Variants in SPINK14 observed in about 807,000 individuals in gnomAD.
The protein encoded by SPINK14 is serine protease inhibitor Kazal-type 14.
SPINK14 carries 6 observed loss-of-function variants against 14.2 expected under a neutral mutation model. The observed-to-expected ratio is 0.42, with a 90% CI of 0.23 to 0.83. SPINK14 has a LOEUF of 0.83. Ranked by LOEUF, SPINK14 falls within the 40% of genes least tolerant of loss-of-function variation. SPINK14 has a pLI of 0.28. For synonymous variants in SPINK14, 34 were observed against 36.8 expected, an observed-to-expected ratio of 0.92 and a Z score of 0.27; for missense variants, 86 against 108.3, an observed-to-expected ratio of 0.79 and a Z score of 0.91.
chr5:148,172,659 T>C (rs1755122933), intron 3 of SPINK14, among the ~76,000 whole-genome samples: 1 of 152,128 alleles, frequency 6.6e-6, no homozygotes, highest in Admixed American at 6.6e-5. Context: ...TGTTACAAAC[T>C]GATTAAAAGT....
chr5:148,171,040 T>C lies in SPINK14; in HGVS notation c.111+67T>C. On this transcript the variant is annotated intron_variant, in intron 3 of 4. Coordinates refer to ENST00000356972, the MANE Select transcript of SPINK14 (RefSeq NM_001001325.2). ...TATGAGTTCTTTTTTTTTGGAATTG[T>C]TACTGTGGAAACTTAATGCCTCAAG... The C allele has an allele frequency of 2.0e-6, 3 of 1,486,460 alleles. No homozygotes were observed. In the South Asian group the frequency reaches 3.4e-5, roughly 17 times the overall value. The allele number at this position is 1,486,460 out of a possible 1,614,324, so 92.1% of individuals were successfully genotyped here.
intron 3 of SPINK14, among the ~76,000 whole-genome samples, chr5:148,173,661 A>G (rs1479476897): frequency 1.1e-5 from 1 of 95,130 alleles, no homozygotes; most frequent in Non-Finnish European, 2.2e-5. Context: ...TAAATAATCT[A>G]TTTATCTACT....
chr5:148,173,169 C>T (rs1289853419), intron 3 of SPINK14, among the ~76,000 whole-genome samples: 1 of 148,400 alleles, frequency 6.7e-6, no homozygotes, highest in African/African-American at 2.4e-5. Flanking sequence ...AAAACATGAC[C>T]CCCTTCTTTC....
chr5:148,174,488 C>A, intron 4 of SPINK14, 118 bp downstream of exon 4: 1 of 595,096 alleles, frequency 1.7e-6, no homozygotes, highest in African/African-American at 2.9e-5. Flanking sequence ...CCAGTTCACA[C>A]AGATAATAAT....
chr5:148,168,947 T>C (rs1159262370), intron 1 of SPINK14, among the ~76,000 whole-genome samples: 1 of 152,158 alleles, frequency 6.6e-6, no homozygotes, highest in Non-Finnish European at 1.5e-5. Flanking sequence ...GCTACTTTTC[T>C]AGAATTAGGA....
chr5:148,175,286 T>C, intron 4 of SPINK14, 67 bp from the exon 5 acceptor site: 2 of 1,030,400 alleles, frequency 1.9e-6, no homozygotes, highest in South Asian at 1.5e-5. Flanking sequence ...TAGATAATTT[T>C]AAAAGTATTT....
At chr5:148,169,212 C>A (rs1310996106) in intron 1 of SPINK14, among the ~76,000 whole-genome samples, 3 of 152,116 alleles carry the variant, frequency 2.0e-5, no homozygotes, top group African/African-American at 7.2e-5. Flanking sequence ...ACAAGCATGC[C>A]TGAATCATCA....
intron 3 of SPINK14, 58 bp downstream of exon 3, chr5:148,171,031 T>C: frequency 6.5e-7 from 1 of 1,528,596 alleles, no homozygotes; most frequent in Non-Finnish European, 9.0e-7. Flanking sequence ...TTCTTTTTTT[T>C]TGGAATTGTT....
At position 148,170,960 on chromosome 5, in the gene SPINK14, G is replaced by C. The variant is rs776212486; in HGVS notation, c.98G>C (p.Arg33Pro). Residue 33 changes from arginine to proline, a missense_variant, in exon 3 of 5, where the codon CGT (arginine) becomes CCT (proline). Coordinates refer to ENST00000356972, the MANE Select transcript of SPINK14 (RefSeq NM_001001325.2). Reference protein sequence around the residue: ...VSGPRHWWPPRGIIKVKCPYE... With the variant: ...VSGPRHWWPPPGIIKVKCPYE... ...GGCCCTAGACACTGGTGGCCACCAC[G>C]TGGAATTATTAAGGTAATGTTCCAT... 6.2e-7 allele frequency: 1 copy of C among 1,612,448 alleles called. No homozygotes were observed. Among genetic ancestry groups the C allele is most frequent in the Non-Finnish European group, 8.5e-7 (1 of 1,178,892 alleles).
chr5:148,173,375 G>A (rs1006121954), intron 3 of SPINK14, among the ~76,000 whole-genome samples: 1 of 152,142 alleles, frequency 6.6e-6, no homozygotes, highest in African/African-American at 2.4e-5. Flanking sequence ...CTGAGTCCGG[G>A]TCCCTGAGGA....
Position 148,175,485 on chromosome 5 carries a change from C to A in SPINK14, c.*87C>A. 2.0e-6 allele frequency: 2 copies of A among 988,698 alleles called. No individual in the cohort carries two copies. The highest frequency in any genetic ancestry group is 3.1e-6 in the Non-Finnish European group (2 of 638,400). 61.2% of individuals were successfully genotyped at this position (988,698 alleles called of 1,614,324 possible). A position where few individuals can be genotyped will look rare whatever the true frequency, so the allele number is the denominator to read the frequency against. On this transcript the variant is annotated 3_prime_UTR_variant, in exon 5 of 5. Transcript: ENST00000356972. ...CTCTTGCGCTTTTTACATCTCCTTG[C>A]ATTTGTTCTTCATGACAAAGAGCTA...
intron 3 of SPINK14, among the ~76,000 whole-genome samples, chr5:148,172,223 A>C (rs1240079708): frequency 6.6e-6 from 1 of 152,150 alleles, no homozygotes; most frequent in Non-Finnish European, 1.5e-5. Flanking sequence ...TTGAAGGATA[A>C]AAAGTAGCCA....
At chr5:148,168,937 G>C (rs1755065488) in intron 1 of SPINK14, among the ~76,000 whole-genome samples, 1 of 152,254 alleles carries the variant, frequency 6.6e-6, no homozygotes, top group East Asian at 1.9e-4. Flanking sequence ...GGAAGACCAG[G>C]CTACTTTTCT....
At chr5:148,172,131 T>C (rs1755113463) in intron 3 of SPINK14, among the ~76,000 whole-genome samples, 2 of 152,158 alleles carry the variant, frequency 1.3e-5, no homozygotes, top group Admixed American at 6.6e-5. Flanking sequence ...TGATAGAGAA[T>C]ATCTGTTGAG....
In SPINK14 at chr5:148,170,957, C is replaced by A; in HGVS notation, c.95C>A (p.Pro32Gln). The A allele has an allele frequency of 1.2e-6, 2 of 1,612,408 alleles. No individual in the cohort carries two copies. ...SVSGPRHWWP[P>Q]RGIIKVKCPY... Reference sequence around the variant, plus strand: ...TCAGGCCCTAGACACTGGTGGCCACCACGTGGAATTATTAAGGTAATGTTC... The same window carrying A: ...TCAGGCCCTAGACACTGGTGGCCACAACGTGGAATTATTAAGGTAATGTTC... Residue 32 changes from proline (P) to glutamine (Q), a missense_variant, in exon 3 of 5, where the codon CCA becomes CAA. Pro to Gln is a moderately conservative substitution (Grantham distance 76, BLOSUM62 -1). Transcript: ENST00000356972.
At chr5:148,169,610 A>T (rs1339448966) in intron 1 of SPINK14, 51 bp from the exon 2 acceptor site, 2 of 673,062 alleles carry the variant, frequency 3.0e-6, no homozygotes, top group Non-Finnish European at 2.6e-6. Context: ...TGGAGTAGAG[A>T]TGGCTCTTCA....
At chr5:148,170,223 GA>G (rs1307342871) in intron 2 of SPINK14, among the ~76,000 whole-genome samples, 10 of 150,894 alleles carry the variant, frequency 6.6e-5, no homozygotes, top group African/African-American at 2.4e-4. Context: ...TAGAGAGAGA[GA>G]GTCTAAAAGA....
chr5:148,170,998 C>A (rs1353431943), intron 3 of SPINK14, 25 bp downstream of exon 3: 2 of 1,605,846 alleles, frequency 1.2e-6, no homozygotes. Flanking sequence ...AATTTCCCCC[C>A]AGGACTTACA....
chr5:148,173,095 C>T (rs1018756624), intron 3 of SPINK14, among the ~76,000 whole-genome samples: 12 of 152,004 alleles, frequency 7.9e-5, no homozygotes, highest in South Asian at 2.1e-4. Flanking sequence ...AGTTGGGTAA[C>T]GATGGTGGCC....
Sources: gnomAD v4.1 joint callset for allele counts (sites outside exome capture counted in the v4.1 genomes callset) on GRCh38, gnomAD v4.1.1 for gene constraint, MANE v1.5 for transcripts, NCBI Gene and HGNC (gene_info 2026-07-23, HGNC 2026-07-21) for gene names.